Variants in FAM135B observed in about 807,000 individuals in gnomAD.
FAM135B encodes the protein protein FAM135B.
FAM135B carries 43 observed loss-of-function variants against 127.7 expected under a neutral mutation model. That is an observed-to-expected ratio of 0.34 (90% confidence interval 0.26 to 0.43). The LOEUF is 0.43. Ranked by LOEUF, FAM135B falls within the 20% of genes least tolerant of loss-of-function variation. The pLI, the probability that FAM135B is intolerant of heterozygous loss-of-function variation, is 1.00. For synonymous variants in FAM135B, 670 were observed against 665.1 expected, an observed-to-expected ratio of 1.01 and a Z score of -0.11; for missense variants, 1,558 against 1,725.6, an observed-to-expected ratio of 0.90 and a Z score of 1.72.
Position 138,151,627 on chromosome 8 carries a change from A to G in FAM135B, c.2848T>C (p.Ser950Pro), listed in dbSNP as rs2130736553. 1 of 1,614,092 alleles carries G rather than the reference A, an allele frequency of 6.2e-7. No homozygotes were observed. Among genetic ancestry groups the G allele is most frequent in the Non-Finnish European group, 8.5e-7 (1 of 1,180,020 alleles). Residue 950 changes from serine (S) to proline (P), a missense_variant, in exon 13 of 20, where the codon TCA (serine) becomes CCA (proline). Physicochemically the swap from Ser to Pro is moderately conservative, Grantham distance 74. Coordinates refer to ENST00000395297, the MANE Select transcript of FAM135B (RefSeq NM_015912.4). The part of the protein sequence containing the change: ...TSAADAINRN[S>P]TGQQSQSGSP... ...CCGCTTTGGCTTTGCTGGCCTGTTGAGTTCCTGTTGATGGCATCAGCAGCT... is the reference window on the plus strand; with the variant it reads ...CCGCTTTGGCTTTGCTGGCCTGTTGGGTTCCTGTTGATGGCATCAGCAGCT...
At chr8:138,207,075 A>G (rs933435069) in intron 7 of FAM135B, among the ~76,000 whole-genome samples, 2 of 152,156 alleles carry the variant, frequency 1.3e-5, no homozygotes, top group African/African-American at 4.8e-5. Context: ...AAATAAACTC[A>G]GTTTTGTGTT....
At chr8:138,335,044 C>T (rs572187020) in intron 2 of FAM135B, among the ~76,000 whole-genome samples, 2 of 152,280 alleles carry the variant, frequency 1.3e-5, no homozygotes, top group East Asian at 1.9e-4. Flanking sequence ...CTGAGGAATA[C>T]ATTTTTTCTT....
chr8:138,197,966 T>C (rs1435648810), intron 7 of FAM135B, among the ~76,000 whole-genome samples: 1 of 152,196 alleles, frequency 6.6e-6, no homozygotes, highest in Non-Finnish European at 1.5e-5. Flanking sequence ...CGAATGATCA[T>C]GAAGGTGATG....
Position 138,495,919 on chromosome 8 carries a change from G to C in FAM135B, c.-20+752C>G, listed in dbSNP as rs559166450. Among the ~76,000 whole-genome samples the C allele has an allele frequency of 5.9e-5, 9 of 152,320 alleles. 1 individual carries two copies. The South Asian group carries it at 1.0e-3, about 18-fold the overall frequency. On this transcript the variant is annotated intron_variant, in intron 1 of 19. Transcript: ENST00000395297. Reference sequence around the variant, plus strand: ...GAGATAGTTTGCCAGTGGCCAAGGAGCAAGGATTGTCACTATGAGCGATGT... The same window carrying C: ...GAGATAGTTTGCCAGTGGCCAAGGACCAAGGATTGTCACTATGAGCGATGT...
At chr8:138,421,663 C>G (rs1834518160) in intron 1 of FAM135B, among the ~76,000 whole-genome samples, 1 of 152,134 alleles carries the variant, frequency 6.6e-6, no homozygotes, top group African/African-American at 2.4e-5. Flanking sequence ...AAAAACATTC[C>G]ATGCTTATGG....
At chr8:138,329,058 T>A (rs2130984028) in intron 2 of FAM135B, among the ~76,000 whole-genome samples, 1 of 152,186 alleles carries the variant, frequency 6.6e-6, no homozygotes, top group Middle Eastern at 3.4e-3. Context: ...CAATGACAGG[T>A]AAAGTAGGCC....
intron 9 of FAM135B, among the ~76,000 whole-genome samples, chr8:138,193,618 T>C (rs1816339288): frequency 2.0e-5 from 3 of 152,210 alleles, no homozygotes; most frequent in Admixed American, 2.0e-4. Context: ...CCCCTTGGGA[T>C]GCTGAGCTGC....
At position 138,241,907 on chromosome 8, in the gene FAM135B, T is replaced by G. The variant is rs1158725520; in HGVS notation, c.669+1035A>C. Among the ~76,000 whole-genome samples, 1 of 152,136 alleles carries G rather than the reference T, an allele frequency of 6.6e-6. No individual in the cohort carries two copies. Among genetic ancestry groups the G allele is most frequent in the African/African-American group, 2.4e-5 (1 of 41,430 alleles). On this transcript the variant is annotated intron_variant, in intron 7 of 19. Transcript: ENST00000395297. The surrounding 1 kb of genome is among the most constrained non-coding windows in gnomAD (Gnocchi z 4.8). Reference sequence around the variant, plus strand: ...GGCCTTATCCAATCCATTGAGGGCCTGAATAGGACAAAAAGACTGAGTGAG... The same window carrying G: ...GGCCTTATCCAATCCATTGAGGGCCGGAATAGGACAAAAAGACTGAGTGAG...
intron 2 of FAM135B, among the ~76,000 whole-genome samples, chr8:138,323,765 C>T (rs1042348813): frequency 9.8e-5 from 15 of 152,328 alleles, no homozygotes; most frequent in African/African-American, 3.6e-4. Context: ...GAAGAGTTGA[C>T]ACAGACAGTC....
intron 7 of FAM135B, among the ~76,000 whole-genome samples, chr8:138,225,996 AAGAGG>A (rs1385247246): frequency 6.6e-6 from 1 of 152,080 alleles, no homozygotes; most frequent in African/African-American, 2.4e-5. Context: ...GTTTAATTAG[AAGAGG>A]AGAGAGTTTA....
chr8:138,496,292 C>T (rs1815388845), intron 1 of FAM135B, among the ~76,000 whole-genome samples: 1 of 152,164 alleles, frequency 6.6e-6, no homozygotes, highest in Non-Finnish European at 1.5e-5. Flanking sequence ...GAATCGCTGC[C>T]ACTGTCCCCT....
In FAM135B at chr8:138,197,979, G is replaced by A. The variant is rs1200059992; in HGVS notation, c.670-310C>T. 2.0e-5 allele frequency among the ~76,000 whole-genome samples: 3 copies of A among 152,176 alleles called. No individual in the cohort carries two copies. In the East Asian group the frequency reaches 5.8e-4, roughly 29 times the overall value. ...AACGAATGATCATGAAGGTGATGAG[G>A]ACATTGGCCTCACAGGTTTGAGACA... is the stretch of plus-strand genomic sequence containing the variant. On this transcript the variant is annotated intron_variant, in intron 7 of 19. Coordinates refer to ENST00000395297, the MANE Select transcript of FAM135B (RefSeq NM_015912.4).
intron 3 of FAM135B, among the ~76,000 whole-genome samples, chr8:138,305,662 C>T (rs1393891496): frequency 6.6e-6 from 1 of 152,200 alleles, no homozygotes; most frequent in Non-Finnish European, 1.5e-5. Flanking sequence ...AATTAATTAA[C>T]ATTCATCTTT....
intron 1 of FAM135B, among the ~76,000 whole-genome samples, chr8:138,433,414 C>G: frequency 0.025 from 1 of 40 alleles, no homozygotes; most frequent in South Asian, 0.25. Context: ...CCCAGCTACT[C>G]AGGAGGCTTG....
chr8:138,250,155 C>T (rs1821587326), intron 6 of FAM135B, among the ~76,000 whole-genome samples: 1 of 152,022 alleles, frequency 6.6e-6, no homozygotes, highest in African/African-American at 2.4e-5. Flanking sequence ...GAGTTTGAGA[C>T]CAGCCTGGCC....
intron 6 of FAM135B, among the ~76,000 whole-genome samples, chr8:138,246,560 A>G (rs1821304767): frequency 6.6e-6 from 1 of 152,198 alleles, no homozygotes; most frequent in South Asian, 2.1e-4. Flanking sequence ...GAATCCACCT[A>G]GATTTCAGAG....
chr8:138,221,405 C>T (rs1819014491), intron 7 of FAM135B, among the ~76,000 whole-genome samples: 4 of 152,154 alleles, frequency 2.6e-5, no homozygotes. Flanking sequence ...GAACTCTGCC[C>T]TCATGATCCA....
chr8:138,257,878 TAAAAAATA>T (rs1228671024), intron 4 of FAM135B, among the ~76,000 whole-genome samples: 222 of 78,368 alleles, frequency 2.8e-3, no homozygotes, highest in African/African-American at 0.013. Context: ...CTACAAAAAA[TAAAAAATA>T]AAAAAAAAAA....
chr8:138,464,020 C>G (rs1463720545), intron 1 of FAM135B, among the ~76,000 whole-genome samples: 1 of 152,160 alleles, frequency 6.6e-6, no homozygotes, highest in East Asian at 1.9e-4. Context: ...TTTATTTTAA[C>G]AGAAAAGGAG....
Sources: allele counts gnomAD v4.1 joint callset (sites outside exome capture counted in the v4.1 genomes callset), GRCh38; gene constraint gnomAD v4.1.1; non-coding constraint Gnocchi (gnomAD v3.1); transcripts MANE v1.5; gene names NCBI Gene and HGNC (gene_info 2026-07-23, HGNC 2026-07-21).